Variants in SCD5 observed in about 807,000 individuals in gnomAD.
SCD5 encodes the protein acyl-CoA-desaturase 4.
Under a neutral mutation model 30.4 loss-of-function variants are expected in SCD5, and 20 were observed. That is an observed-to-expected ratio of 0.66 (90% CI 0.46 to 0.96). SCD5 has a LOEUF of 0.96. Ranked by LOEUF, SCD5 falls within the 40% of genes least tolerant of loss-of-function variation. The pLI, the probability that SCD5 is intolerant of heterozygous loss-of-function variation, is 0.00. For synonymous variants in SCD5, 173 were observed against 176.4 expected (o/e 0.98, Z 0.16); for missense variants, 381 against 443.3 (o/e 0.86, Z 1.26).
At chr4:82,683,403 T>C (rs1482444199) in intron 2 of SCD5, among the ~76,000 whole-genome samples, 1 of 152,200 alleles carries the variant, frequency 6.6e-6, no homozygotes, top group Non-Finnish European at 1.5e-5. Context: ...GAAAGAACAC[T>C]CTGTCCCCCA....
At chr4:82,667,844 A>G (rs1728224466) in intron 3 of SCD5, among the ~76,000 whole-genome samples, 1 of 152,200 alleles carries the variant, frequency 6.6e-6, no homozygotes, top group Non-Finnish European at 1.5e-5. Flanking sequence ...GATAAGATGT[A>G]GTGGTTTGAG....
At chr4:82,653,676 T>TGATAGATAGATAGATAGATAGATA (rs1553914392) in intron 3 of SCD5, among the ~76,000 whole-genome samples, 2,316 of 136,618 alleles carry the variant, frequency 0.017, 31 homozygotes, top group East Asian at 0.021. Flanking sequence ...TGAAAGTCAA[T>TGATAGATAGATAGATAGATAGATA]GATAGATAGA....
intron 4 of SCD5, among the ~76,000 whole-genome samples, chr4:82,635,846 C>T (rs1399647192): frequency 1.3e-5 from 2 of 152,102 alleles, no homozygotes; most frequent in East Asian, 1.9e-4. Context: ...CCAGAGGCCT[C>T]ACTCTTAACT....
chr4:82,668,046 CAAAAACA>C (rs1222520845), intron 3 of SCD5, among the ~76,000 whole-genome samples: 1 of 152,074 alleles, frequency 6.6e-6, no homozygotes, highest in African/African-American at 2.4e-5. Flanking sequence ...ACTTCCCCAC[CAAAAACA>C]ACAACAAAAA....
intron 1 of SCD5, among the ~76,000 whole-genome samples, chr4:82,749,148 T>C (rs1217230553): frequency 2.6e-5 from 4 of 152,214 alleles, no homozygotes; most frequent in Non-Finnish European, 5.9e-5. Context: ...GTTTTATACT[T>C]CTGAGACAAA....
rs772216954 is a variant in SCD5, at chr4:82,705,304, G to A, written c.342C>T (p.Val114=). Residue 114 remains valine (V), a synonymous_variant, in exon 2 of 5, where the codon GTC becomes GTT. Transcript: ENST00000319540. The part of the protein sequence containing the change: ...AKLPLRIFLA[V]ANSMAFQNDI... ...TCACCTGGAAAGCCATGGAGTTGGC[G>A]ACAGCCAGAAATATCCTCAGAGGCA... is the stretch of plus-strand genomic sequence containing the variant. The A allele has an allele frequency of 2.0e-5, 32 of 1,614,092 alleles. No individual in the cohort carries two copies. Among genetic ancestry groups the A allele is most frequent in the African/African-American group, 6.7e-5 (5 of 74,938 alleles).
intron 1 of SCD5, among the ~76,000 whole-genome samples, chr4:82,724,137 G>A (rs1720424876): frequency 1.3e-5 from 2 of 152,194 alleles, no homozygotes; most frequent in African/African-American, 4.8e-5. Context: ...GGTGTTTACT[G>A]TATTATTCTT....
chr4:82,798,378 T>C lies in SCD5; in HGVS notation c.160A>G (p.Ser54Gly), dbSNP rs1722275916. Residue 54 changes from serine to glycine, a missense_variant, in exon 1 of 5, where the codon AGC becomes GGC. Ser to Gly is a moderately conservative substitution (Grantham distance 56, BLOSUM62 0). Transcript: ENST00000319540. The part of the protein sequence containing the change: ...NIVWRNVVLM[S>G]LLHLGAVYSL... ...TACACGGCCCCCAAGTGGAGCAAGC[T>C]CATCAGGACGACATTCCTCCAGACG... 1 of 1,613,176 alleles carries C rather than the reference T, an allele frequency of 6.2e-7. No individual in the cohort carries two copies. The highest frequency in any genetic ancestry group is 1.1e-5 in the South Asian group (1 of 91,052).
chr4:82,718,880 C>A (rs1197019002), intron 1 of SCD5, among the ~76,000 whole-genome samples: 1 of 151,600 alleles, frequency 6.6e-6, no homozygotes, highest in Non-Finnish European at 1.5e-5. Context: ...GGTTCTTATG[C>A]ATAAATTCCA....
At chr4:82,667,944 G>C (rs1468348227) in intron 3 of SCD5, among the ~76,000 whole-genome samples, 3 of 152,016 alleles carry the variant, frequency 2.0e-5, no homozygotes, top group Non-Finnish European at 4.4e-5. Context: ...TTCAAGGAGA[G>C]GAAATATTTA....
intron 1 of SCD5, among the ~76,000 whole-genome samples, chr4:82,730,594 T>TTTC (rs1368281347): frequency 1.4e-5 from 2 of 147,678 alleles, no homozygotes; most frequent in African/African-American, 5.0e-5. Flanking sequence ...TCTTTTTTTT[T>TTTC]TTTTTTTTTT....
Position 82,630,984 on chromosome 4 carries a change from T to C in SCD5, c.*343A>G. On this transcript the variant is annotated 3_prime_UTR_variant, in exon 5 of 5. Transcript: ENST00000319540. ...AAATTAGCTGGGTGTGGTGGCAGGC[T>C]CCTGTAATCTCAGCTACTCAGGAGG... 6.4e-6 allele frequency: 1 copy of C among 157,246 alleles called. No homozygotes were observed. The highest frequency in any genetic ancestry group is 1.4e-5 in the Non-Finnish European group (1 of 73,944). 9.7% of individuals were successfully genotyped at this position (157,246 alleles called of 1,614,324 possible).
At chr4:82,784,054 A>G (rs1026583244) in intron 1 of SCD5, among the ~76,000 whole-genome samples, 4 of 152,124 alleles carry the variant, frequency 2.6e-5, no homozygotes, top group South Asian at 2.1e-4. Flanking sequence ...GAAATGATAA[A>G]GCAAATGAGG....
intron 1 of SCD5, among the ~76,000 whole-genome samples, chr4:82,791,522 T>C (rs572935053): frequency 2.1e-4 from 32 of 152,184 alleles, no homozygotes; most frequent in African/African-American, 7.2e-4. Flanking sequence ...AAGGAGGAGC[T>C]GAACAGAGGG....
At chr4:82,766,968 G>A (rs568851550) in intron 1 of SCD5, among the ~76,000 whole-genome samples, 27 of 151,988 alleles carry the variant, frequency 1.8e-4, no homozygotes, top group Admixed American at 6.6e-4. Context: ...ATGATCCACC[G>A]TGCCTGGCCA....
At chr4:82,777,793 G>A (rs976006944) in intron 1 of SCD5, among the ~76,000 whole-genome samples, 6 of 152,084 alleles carry the variant, frequency 3.9e-5, no homozygotes, top group East Asian at 3.9e-4. Context: ...ATGTTTTCTC[G>A]GCCAGTGTTT....
chr4:82,777,183 T>C (rs1721761005), intron 1 of SCD5, among the ~76,000 whole-genome samples: 1 of 152,224 alleles, frequency 6.6e-6, no homozygotes, highest in Non-Finnish European at 1.5e-5. Flanking sequence ...CAACATGATC[T>C]CCATTGTACA....
At chr4:82,745,003 G>A (rs1358840497) in intron 1 of SCD5, among the ~76,000 whole-genome samples, 1 of 152,124 alleles carries the variant, frequency 6.6e-6, no homozygotes, top group Non-Finnish European at 1.5e-5. Flanking sequence ...AAAAACAGGG[G>A]TATTGAGCCC....
chr4:82,794,657 T>C (rs1274631920), intron 1 of SCD5, among the ~76,000 whole-genome samples: 1 of 151,810 alleles, frequency 6.6e-6, no homozygotes, highest in Non-Finnish European at 1.5e-5. Flanking sequence ...TCCATTTTTT[T>C]TTTTTTTTTT....
Sources: gnomAD v4.1 joint callset for allele counts (sites outside exome capture counted in the v4.1 genomes callset) on GRCh38, gnomAD v4.1.1 for gene constraint, MANE v1.5 for transcripts, NCBI Gene and HGNC (gene_info 2026-07-23, HGNC 2026-07-21) for gene names.